The following XPO6 variants were observed in gnomAD, a reference collection of about 807,000 sequenced individuals.
XPO6 encodes the protein exportin 6.
In XPO6, 3 loss-of-function variants were observed where a neutral mutation model predicts 130.0. That is an observed-to-expected ratio of 0.02 (90% CI 0.01 to 0.06). The LOEUF is 0.06. Among genes scored for constraint, XPO6 ranks in the 10% least tolerant of loss-of-function variants. The probability of loss-of-function intolerance (pLI) is 1.00; values close to 1 mark genes in which losing one functional copy is unlikely to be tolerated. For missense variants in XPO6, 970 were observed against 1,393.0 expected (o/e 0.70, Z 4.83); for synonymous variants, 524 against 548.9 (o/e 0.95, Z 0.63).
Position 28,132,239 on chromosome 16 carries a change from A to C in XPO6, c.1606+95T>G. On this transcript the variant is annotated intron_variant, in intron 12 of 23. Coordinates refer to ENST00000304658, the MANE Select transcript of XPO6 (RefSeq NM_015171.4). This position sits in a 1 kb window ranked among gnomAD's most constrained non-coding sequence, Gnocchi z 4.0. ...TGCCAGTGGGGAGGCTGCAGTGAAGAAATCATGTTCCGACAGCAACGGCAG... is the reference window on the plus strand; with the variant it reads ...TGCCAGTGGGGAGGCTGCAGTGAAGCAATCATGTTCCGACAGCAACGGCAG... 1.0e-6 allele frequency: 1 copy of C among 960,014 alleles called. No homozygotes were observed. The highest frequency in any genetic ancestry group is 1.6e-6 in the Non-Finnish European group (1 of 626,398). The allele number at this position is 960,014 out of a possible 1,614,324, so 59.5% of individuals were successfully genotyped here. A position where few individuals can be genotyped will look rare whatever the true frequency, so the allele number is the denominator to read the frequency against.
chr16:28,194,238 AG>A (rs1443610841), intron 1 of XPO6, among the ~76,000 whole-genome samples: 2 of 152,168 alleles, frequency 1.3e-5, no homozygotes, highest in African/African-American at 4.8e-5. Flanking sequence ...TTAAAAAAAA[AG>A]GAACAAAATA....
chr16:28,140,116 C>T (rs1485922429), intron 9 of XPO6, among the ~76,000 whole-genome samples: 3 of 151,570 alleles, frequency 2.0e-5, no homozygotes, highest in Non-Finnish European at 4.4e-5. Flanking sequence ...CCTGTAATCC[C>T]AGCTACTTGG....
chr16:28,103,785 G>C (rs1374340291), intron 21 of XPO6, among the ~76,000 whole-genome samples: 2 of 152,256 alleles, frequency 1.3e-5, no homozygotes, highest in African/African-American at 4.8e-5. Flanking sequence ...CAGTATGTGT[G>C]TGTGTGCGCG....
chr16:28,099,927 T>C lies in XPO6; in HGVS notation c.3277-1288A>G, dbSNP rs183405487. Among the ~76,000 whole-genome samples the C allele has an allele frequency of 5.9e-3, 893 of 152,344 alleles. 2 individuals are homozygous for C. Among genetic ancestry groups the C allele is most frequent in the Middle Eastern group, 0.01 (3 of 294 alleles). ...TCCCAAATGCCAAACCAGAATTTCC[T>C]GGGTAGAACACAGAAGTCTGTTTCT... On this transcript the variant is annotated intron_variant, in intron 23 of 23. Transcript: ENST00000304658.
chr16:28,107,082 A>G (rs888108835), intron 18 of XPO6, among the ~76,000 whole-genome samples: 1 of 152,180 alleles, frequency 6.6e-6, no homozygotes, highest in Non-Finnish European at 1.5e-5. Flanking sequence ...GAGGCAATGA[A>G]TATTTGCTGA....
chr16:28,175,778 A>G (rs1029004858), intron 4 of XPO6, 120 bp downstream of exon 4: 1 of 788,392 alleles, frequency 1.3e-6, no homozygotes, highest in African/African-American at 1.8e-5. Context: ...TCAGTCCTAC[A>G]ATAACCTCAC....
Position 28,107,620 on chromosome 16 carries a change from G to A in XPO6, c.2399C>T (p.Ser800Leu), listed in dbSNP as rs1384672952. ...SVLEDIVENISGESTKSRQIC... is the reference protein window; with the variant it reads ...SVLEDIVENILGESTKSRQIC... ...CTGTCGAGACTTGGTGGACTCCCCC[G>A]AGATATTCTCCACAATATCTTCTAA... Residue 800 changes from serine (S) to leucine (L), a missense_variant, in exon 18 of 24, where the codon TCG becomes TTG. Transcript: ENST00000304658. 16 of 1,614,144 alleles carry A rather than the reference G, an allele frequency of 9.9e-6. No individual in the cohort carries two copies. The highest frequency in any genetic ancestry group is 2.2e-5 in the East Asian group (1 of 44,880).
intron 10 of XPO6, among the ~76,000 whole-genome samples, chr16:28,134,875 C>T (rs2042745360): frequency 6.6e-6 from 1 of 152,154 alleles, no homozygotes; most frequent in African/African-American, 2.4e-5. Flanking sequence ...ATCCAGCTAG[C>T]TGTTACTGCT....
chr16:28,102,075 A>C, intron 21 of XPO6, 130 bp from the exon 22 acceptor site: 1 of 666,700 alleles, frequency 1.5e-6, no homozygotes, highest in Non-Finnish European at 2.5e-6. Context: ...ACCAGCTCAG[A>C]CCTCTACGAC....
intron 1 of XPO6, among the ~76,000 whole-genome samples, chr16:28,199,481 T>G (rs1267558689): frequency 6.6e-6 from 1 of 152,102 alleles, no homozygotes; most frequent in East Asian, 2.0e-4. Context: ...TTCGCCATGT[T>G]GGTCAGGCTG....
intron 18 of XPO6, 52 bp downstream of exon 18, chr16:28,107,470 T>C: frequency 6.2e-7 from 1 of 1,604,970 alleles, no homozygotes. Context: ...AAGTGGGTAT[T>C]CTGGCCCTTG....
At chr16:28,155,891 C>T in intron 7 of XPO6, 183 bp downstream of exon 7, 1 of 1,377,670 alleles carries the variant, frequency 7.3e-7, no homozygotes, top group Non-Finnish European at 9.4e-7. Context: ...TCAGTCACTT[C>T]CCTTAACCAC....
At chr16:28,155,270 G>A (rs995148166) in intron 7 of XPO6, among the ~76,000 whole-genome samples, 7 of 152,006 alleles carry the variant, frequency 4.6e-5, no homozygotes, top group Admixed American at 3.3e-4. Context: ...TTACTAATTC[G>A]ATACGATTTA....
intron 12 of XPO6, among the ~76,000 whole-genome samples, chr16:28,126,965 C>G (rs571753168): frequency 2.0e-5 from 3 of 152,216 alleles, no homozygotes; most frequent in African/African-American, 7.2e-5. Context: ...TGGTCATCAC[C>G]AACCCTCCTC....
At chr16:28,131,338 A>G (rs908446632) in intron 12 of XPO6, among the ~76,000 whole-genome samples, 4 of 152,152 alleles carry the variant, frequency 2.6e-5, no homozygotes, top group Non-Finnish European at 2.9e-5. Flanking sequence ...ATGAATCACA[A>G]GCTCATCCAG....
In XPO6 at chr16:28,156,607, T is replaced by A. The variant is rs72789669; in HGVS notation, c.644-80A>T. On this transcript the variant is annotated intron_variant, in intron 6 of 23. Transcript: ENST00000304658. ...TTTAAGTAATTCTCCTTCAAAAAAA[T>A]ATATATATATATGTATACATATATG... 123,800 of 589,554 alleles carry A rather than the reference T, an allele frequency of 0.21. 10,893 individuals are homozygous for A. The highest frequency in any genetic ancestry group is 0.27 in the Middle Eastern group (531 of 1,946). 36.5% of individuals were successfully genotyped at this position (589,554 alleles called of 1,614,324 possible).
intron 13 of XPO6, among the ~76,000 whole-genome samples, chr16:28,123,716 A>C (rs942631240): frequency 6.6e-6 from 1 of 152,206 alleles, no homozygotes. Flanking sequence ...ATCAGAAAAC[A>C]ATATACCAAT....
chr16:28,118,545 G>A (rs959028213), intron 14 of XPO6, among the ~76,000 whole-genome samples: 1 of 152,100 alleles, frequency 6.6e-6, no homozygotes, highest in Admixed American at 6.5e-5. Flanking sequence ...ATTTTTTGTA[G>A]AAATGGGGTC....
intron 9 of XPO6, among the ~76,000 whole-genome samples, chr16:28,144,593 A>C (rs1252425220): frequency 6.6e-6 from 1 of 152,188 alleles, no homozygotes; most frequent in Non-Finnish European, 1.5e-5. Flanking sequence ...AGAATTTTTT[A>C]AACTCATAAA....
Sources: allele counts gnomAD v4.1 joint callset (sites outside exome capture counted in the v4.1 genomes callset), GRCh38; gene constraint gnomAD v4.1.1; non-coding constraint Gnocchi (gnomAD v3.1); transcripts MANE v1.5; gene names NCBI Gene and HGNC (gene_info 2026-07-23, HGNC 2026-07-21).